PTPRT: variants seen among roughly 807,000 people sequenced by gnomAD.
PTPRT encodes protein tyrosine phosphatase receptor type T.
PTPRT carries 56 observed loss-of-function variants against 176.8 expected under a neutral mutation model. The observed-to-expected ratio is 0.32, with a 90% CI of 0.26 to 0.40. The LOEUF (loss-of-function observed/expected upper bound fraction) is 0.40, where lower values mean the gene tolerates loss of function less well. PTPRT is among the 10% of genes least tolerant of loss of function. The pLI is 1.00. For missense variants in PTPRT, 1,540 were observed against 1,908.2 expected (o/e 0.81, Z 3.60); for synonymous variants, 783 against 739.0 (o/e 1.06, Z -0.96).
chr20:42,116,700 G>A (rs2146317837), intron 21 of PTPRT, among the ~76,000 whole-genome samples: 1 of 152,288 alleles, frequency 6.6e-6, no homozygotes, highest in South Asian at 2.1e-4. Context: ...GATGGGGCCA[G>A]GATGCAAACC....
chr20:42,115,966 G>T, intron 21 of PTPRT: 1 of 707,092 alleles, frequency 1.4e-6, no homozygotes, highest in South Asian at 1.5e-5. Flanking sequence ...TTCCCCAGTC[G>T]ACTGTTTAAG....
the PTPRT span, among the ~76,000 whole-genome samples, chr20:42,039,695 T>TATATATATATATATATATATATATATAC: frequency 7.0e-6 from 1 of 143,804 alleles, no homozygotes; most frequent in African/African-American, 2.5e-5. Flanking sequence ...CTGTTGTGTA[T>TATATATATATATATATATATATATATAC]ATATATAGTA....
intron 15 of PTPRT, among the ~76,000 whole-genome samples, chr20:42,225,535 C>T (rs892220000): frequency 7.2e-5 from 11 of 152,024 alleles, no homozygotes; most frequent in African/African-American, 2.7e-4. Context: ...CACTTCTTTG[C>T]CTTTTTAAGT....
chr20:43,165,138 G>T (rs2014820524), intron 1 of PTPRT, among the ~76,000 whole-genome samples: 1 of 151,686 alleles, frequency 6.6e-6, no homozygotes, highest in Non-Finnish European at 1.5e-5. Flanking sequence ...TTTTAGAGAG[G>T]CCAGTTCATC....
Position 42,098,516 on chromosome 20 carries a change from G to A in PTPRT, c.3751C>T (p.His1251Tyr). 6.2e-7 allele frequency: 1 copy of A among 1,614,216 alleles called. No homozygotes were observed. The highest frequency in any genetic ancestry group is 2.2e-5 in the East Asian group (1 of 44,882). Residue 1251 changes from histidine (H) to tyrosine (Y), a missense_variant, in exon 27 of 31, where the codon CAC becomes TAC. By Grantham distance (83) the His-to-Tyr change is moderately conservative. Transcript: ENST00000373187. ...TCTGCCACGGTGTTGGGTAGAGGGTGCTGGGTGACCACGAAGGCGGCAGGC... is the reference window on the plus strand; with the variant it reads ...TCTGCCACGGTGTTGGGTAGAGGGTACTGGGTGACCACGAAGGCGGCAGGC... ...KQPAAFVVTQ[H>Y]PLPNTVADFW...
chr20:42,516,714 T>G (rs2072074418), intron 7 of PTPRT, among the ~76,000 whole-genome samples: 8 of 152,126 alleles, frequency 5.3e-5, no homozygotes, highest in Admixed American at 5.2e-4. Context: ...ACGCTTCTGG[T>G]TTTCCAAAGT....
In PTPRT at chr20:42,799,470, T is replaced by C. The variant is rs145138461; in HGVS notation, c.215-8004A>G. 5.2e-3 allele frequency among the ~76,000 whole-genome samples: 791 copies of C among 152,302 alleles called. 4 individuals carry two copies. The highest frequency in any genetic ancestry group is 0.018 in the African/African-American group (751 of 41,544). On this transcript the variant is annotated intron_variant, in intron 2 of 30. Transcript: ENST00000373187. ...CAATGTTGCAGGGCATACTGGGACC[T>C]GCGTCTCCCTTTATTACTTCATAAC...
At chr20:43,011,270 C>G (rs966026315) in intron 1 of PTPRT, among the ~76,000 whole-genome samples, 1 of 152,150 alleles carries the variant, frequency 6.6e-6, no homozygotes, top group Non-Finnish European at 1.5e-5. Context: ...CCACAAATGG[C>G]CAGAGTCTGT....
chr20:42,591,591 C>G (rs962550798), intron 7 of PTPRT, among the ~76,000 whole-genome samples: 1 of 152,136 alleles, frequency 6.6e-6, no homozygotes, highest in Non-Finnish European at 1.5e-5. Flanking sequence ...TCCCTACTGC[C>G]CTACCACCTC....
intron 1 of PTPRT, among the ~76,000 whole-genome samples, chr20:43,005,867 C>A (rs1454581506): frequency 1.3e-5 from 2 of 152,070 alleles, no homozygotes; most frequent in Non-Finnish European, 2.9e-5. Flanking sequence ...GATTAATATC[C>A]AAAGATGCTC....
chr20:42,752,762 G>C (rs1191967649), intron 6 of PTPRT, among the ~76,000 whole-genome samples: 2 of 152,022 alleles, frequency 1.3e-5, no homozygotes, highest in Admixed American at 6.5e-5. Flanking sequence ...AAGCATCCTG[G>C]CTCCGCAAAG....
chr20:42,558,797 A>G (rs370839869), intron 7 of PTPRT, among the ~76,000 whole-genome samples: 27 of 152,132 alleles, frequency 1.8e-4, no homozygotes, highest in African/African-American at 6.0e-4. Context: ...TTTACCTTAA[A>G]GTGTTGCTCC....
chr20:42,590,980 G>A (rs1045237669), intron 7 of PTPRT, among the ~76,000 whole-genome samples: 2 of 148,454 alleles, frequency 1.3e-5, no homozygotes, highest in Non-Finnish European at 3.0e-5. Flanking sequence ...GTGTGTAATG[G>A]GGCATTCCAA....
intron 6 of PTPRT, among the ~76,000 whole-genome samples, chr20:42,752,514 G>A (rs149287308): frequency 6.6e-6 from 1 of 152,350 alleles, no homozygotes; most frequent in African/African-American, 2.4e-5. Context: ...GTGGGAACCT[G>A]TGAGGAGGAA....
At chr20:42,653,899 G>A (rs1248462619) in intron 7 of PTPRT, among the ~76,000 whole-genome samples, 2 of 152,102 alleles carry the variant, frequency 1.3e-5, no homozygotes, top group Non-Finnish European at 2.9e-5. Context: ...CATAGATAAC[G>A]AATTCTTGTT....
the PTPRT span, among the ~76,000 whole-genome samples, chr20:42,043,721 C>T: frequency 1.3e-5 from 2 of 152,226 alleles, no homozygotes; most frequent in Admixed American, 6.5e-5. Flanking sequence ...GCTATCACAG[C>T]ATAACCCAGC....
intron 1 of PTPRT, among the ~76,000 whole-genome samples, chr20:43,170,927 GAAACTGAGACAA>G (rs1431164784): frequency 6.6e-6 from 1 of 152,134 alleles, no homozygotes; most frequent in Non-Finnish European, 1.5e-5. Flanking sequence ...TCGCAGCTTC[GAAACTGAGACAA>G]TGCTGGTCTG....
At chr20:42,945,123 C>A (rs1980799482) in intron 1 of PTPRT, among the ~76,000 whole-genome samples, 1 of 148,244 alleles carries the variant, frequency 6.7e-6, no homozygotes, top group Non-Finnish European at 1.5e-5. Flanking sequence ...TATATATATA[C>A]TTTATATATT....
chr20:42,182,381 A>G (rs1420470697), intron 16 of PTPRT, among the ~76,000 whole-genome samples: 1 of 152,216 alleles, frequency 6.6e-6, no homozygotes, highest in African/African-American at 2.4e-5. Context: ...GATCAATATG[A>G]AAGGAGAATG....
Sources: gnomAD v4.1 joint callset for allele counts (sites outside exome capture counted in the v4.1 genomes callset) on GRCh38, gnomAD v4.1.1 for gene constraint, MANE v1.5 for transcripts, NCBI Gene and HGNC (gene_info 2026-07-23, HGNC 2026-07-21) for gene names.